Variants in ZNF385B observed in about 807,000 individuals in gnomAD.
ZNF385B encodes zinc finger protein 385B, also known as zinc finger protein 533.
In ZNF385B, 23 loss-of-function variants were observed where a neutral mutation model predicts 39.2. The ratio of observed to expected loss-of-function variants is 0.59; its 90% confidence interval spans 0.42 to 0.83. The LOEUF is 0.83. Among genes scored for constraint, ZNF385B ranks in the 40% least tolerant of loss-of-function variants. The pLI, the probability that ZNF385B is intolerant of heterozygous loss-of-function variation, is 0.00. For synonymous variants in ZNF385B, 205 were observed against 222.6 expected, an observed-to-expected ratio of 0.92 and a Z score of 0.70; for missense variants, 552 against 598.9, an observed-to-expected ratio of 0.92 and a Z score of 0.82.
chr2:179,507,214 G>A (rs1229066375), intron 5 of ZNF385B, among the ~76,000 whole-genome samples: 1 of 152,184 alleles, frequency 6.6e-6, no homozygotes, highest in Non-Finnish European at 1.5e-5. Context: ...GGAAGATTCA[G>A]TCATATGTCT....
chr2:179,755,548 T>C (rs1256240720), intron 3 of ZNF385B, among the ~76,000 whole-genome samples: 1 of 152,174 alleles, frequency 6.6e-6, no homozygotes, highest in Non-Finnish European at 1.5e-5. Flanking sequence ...AGTCTCTCAT[T>C]ATTATTTTGT....
At chr2:179,754,696 T>G (rs992768669) in intron 3 of ZNF385B, among the ~76,000 whole-genome samples, 1 of 152,250 alleles carries the variant, frequency 6.6e-6, no homozygotes, top group African/African-American at 2.4e-5. Context: ...CCATTTCTTC[T>G]AGATTTTCTA....
chr2:179,665,995 A>G (rs965432152), intron 3 of ZNF385B, among the ~76,000 whole-genome samples: 3 of 152,152 alleles, frequency 2.0e-5, no homozygotes, highest in Middle Eastern at 3.2e-3. Context: ...TGTTTTTCCT[A>G]GTTTGCCCAT....
chr2:179,790,774 G>A (rs1237217759), intron 1 of ZNF385B, among the ~76,000 whole-genome samples: 1 of 152,158 alleles, frequency 6.6e-6, no homozygotes, highest in Non-Finnish European at 1.5e-5. Flanking sequence ...ATCTGTCTGG[G>A]CATCAAATTC....
chr2:179,583,989 G>T, intron 3 of ZNF385B: 1 of 1,266,612 alleles, frequency 7.9e-7, no homozygotes, highest in Non-Finnish European at 1.0e-6. Flanking sequence ...CATCTGCCAT[G>T]TGCCAAACAA....
chr2:179,467,857 AC>A (rs2105504119), intron 6 of ZNF385B, among the ~76,000 whole-genome samples: 1 of 152,208 alleles, frequency 6.6e-6, no homozygotes, highest in African/African-American at 2.4e-5. Context: ...GTAACTTAGG[AC>A]CCATAAAAGT....
chr2:179,541,501 C>A (rs977026584), intron 4 of ZNF385B, among the ~76,000 whole-genome samples: 1 of 152,122 alleles, frequency 6.6e-6, no homozygotes, highest in Non-Finnish European at 1.5e-5. Context: ...CAACTATGGT[C>A]TCAGAGCATA....
chr2:179,689,275 G>A (rs73973675), intron 3 of ZNF385B, among the ~76,000 whole-genome samples: 288 of 152,294 alleles, frequency 1.9e-3, no homozygotes, highest in African/African-American at 6.5e-3. Flanking sequence ...AAGCTTTACG[G>A]GTAAAAGCCG....
At chr2:179,779,271 A>T (rs1479672890) in intron 1 of ZNF385B, among the ~76,000 whole-genome samples, 2 of 152,208 alleles carry the variant, frequency 1.3e-5, no homozygotes, top group Admixed American at 1.3e-4. Context: ...GGCAAAGGAG[A>T]TCCTATGTGC....
At chr2:179,798,164 T>A (rs1705796413) in intron 1 of ZNF385B, among the ~76,000 whole-genome samples, 1 of 152,056 alleles carries the variant, frequency 6.6e-6, no homozygotes, top group East Asian at 1.9e-4. Context: ...GAATTTATAA[T>A]CAAATTGTTC....
At chr2:179,853,973 A>T (rs919352194) in intron 1 of ZNF385B, among the ~76,000 whole-genome samples, 1 of 152,192 alleles carries the variant, frequency 6.6e-6, no homozygotes, top group Non-Finnish European at 1.5e-5. Flanking sequence ...GCAGGGACTA[A>T]GATGTGTTTA....
At chr2:179,702,159 A>G (rs940626532) in intron 3 of ZNF385B, among the ~76,000 whole-genome samples, 1 of 152,218 alleles carries the variant, frequency 6.6e-6, no homozygotes, top group Non-Finnish European at 1.5e-5. Flanking sequence ...TAATAAAAAA[A>G]TGTTTTCAGG....
intron 3 of ZNF385B, among the ~76,000 whole-genome samples, chr2:179,577,734 AC>A (rs1686005052): frequency 6.6e-6 from 1 of 152,066 alleles, no homozygotes; most frequent in African/African-American, 2.4e-5. Flanking sequence ...TAATATGAAT[AC>A]TAGTTATGGC....
At chr2:179,475,009 T>C (rs973051623) in intron 6 of ZNF385B, among the ~76,000 whole-genome samples, 1 of 152,198 alleles carries the variant, frequency 6.6e-6, no homozygotes, top group East Asian at 1.9e-4. Context: ...GAGTAACTTC[T>C]CTGGAATCAC....
intron 3 of ZNF385B, among the ~76,000 whole-genome samples, chr2:179,683,636 C>T (rs1432936197): frequency 1.7e-4 from 26 of 151,876 alleles, no homozygotes; most frequent in Admixed American, 1.4e-3. Flanking sequence ...CCATAATACC[C>T]GGCTAATTTT....
Position 179,712,190 on chromosome 2 carries a change from A to C in ZNF385B, c.298+57313T>G, listed in dbSNP as rs1486459098. ...CTGGGTTGCTAAGTTTTGTTGGATAAAATTATGCTTTCTCCCACTGATAAT... is the reference window on the plus strand; with the variant it reads ...CTGGGTTGCTAAGTTTTGTTGGATACAATTATGCTTTCTCCCACTGATAAT... On this transcript the variant is annotated intron_variant, in intron 3 of 9. Coordinates refer to ENST00000410066, the MANE Select transcript of ZNF385B (RefSeq NM_152520.6). Among the ~76,000 whole-genome samples, 4 of 152,290 alleles carry C rather than the reference A, an allele frequency of 2.6e-5. No individual in the cohort carries two copies. In the East Asian group the frequency reaches 7.7e-4, roughly 29 times the overall value.
intron 3 of ZNF385B, among the ~76,000 whole-genome samples, chr2:179,768,914 A>C (rs1241817648): frequency 6.6e-6 from 1 of 152,210 alleles, no homozygotes; most frequent in Non-Finnish European, 1.5e-5. Flanking sequence ...AGGCAAGTGA[A>C]AGCGATGGAT....
chr2:179,605,065 A>AT (rs1688694136), intron 3 of ZNF385B, among the ~76,000 whole-genome samples: 1 of 152,106 alleles, frequency 6.6e-6, no homozygotes, highest in Non-Finnish European at 1.5e-5. Flanking sequence ...TGTCTCCCCT[A>AT]TCTCAAGGAT....
intron 3 of ZNF385B, among the ~76,000 whole-genome samples, chr2:179,663,580 G>A (rs1021035445): frequency 6.6e-6 from 1 of 151,908 alleles, no homozygotes; most frequent in Non-Finnish European, 1.5e-5. Flanking sequence ...CGTGGTGGCG[G>A]GCGCCTGTAG....
Sources: gnomAD v4.1 joint callset for allele counts (sites outside exome capture counted in the v4.1 genomes callset) on GRCh38, gnomAD v4.1.1 for gene constraint, MANE v1.5 for transcripts, NCBI Gene and HGNC (gene_info 2026-07-23, HGNC 2026-07-21) for gene names.